FRYL: variants seen among roughly 807,000 people sequenced by gnomAD.
The protein encoded by FRYL is protein furry homolog-like.
Under a neutral mutation model 351.2 loss-of-function variants are expected in FRYL, and 150 were observed. The ratio of observed to expected loss-of-function variants is 0.43; its 90% CI spans 0.37 to 0.49. FRYL has a LOEUF of 0.49. FRYL is among the 20% of genes least tolerant of loss of function. The probability of loss-of-function intolerance (pLI) is 0.00; values close to 1 mark genes in which losing one functional copy is unlikely to be tolerated. For synonymous variants in FRYL, 1,153 were observed against 1,257.1 expected, an observed-to-expected ratio of 0.92 and a Z score of 1.75; for missense variants, 3,036 against 3,619.3, an observed-to-expected ratio of 0.84 and a Z score of 4.13.
At chr4:48,697,699 A>G (rs1456370519) in intron 2 of FRYL, among the ~76,000 whole-genome samples, 1 of 152,088 alleles carries the variant, frequency 6.6e-6, no homozygotes, top group Admixed American at 6.6e-5. Flanking sequence ...CGCTGGTCTT[A>G]AACTCCTGAC....
At chr4:48,677,045 T>C (rs956452246) in intron 3 of FRYL, among the ~76,000 whole-genome samples, 8 of 152,230 alleles carry the variant, frequency 5.3e-5, no homozygotes, top group African/African-American at 1.9e-4. Context: ...AGTAGTGTGC[T>C]CTACAGGCAT....
At chr4:48,759,413 T>C (rs568816278) in intron 1 of FRYL, among the ~76,000 whole-genome samples, 1 of 152,296 alleles carries the variant, frequency 6.6e-6, no homozygotes, top group Non-Finnish European at 1.5e-5. Context: ...ACTATACCAG[T>C]TTCCCATTGC....
At chr4:48,512,139 G>A (rs1722610619) in intron 57 of FRYL, among the ~76,000 whole-genome samples, 2 of 152,276 alleles carry the variant, frequency 1.3e-5, no homozygotes, top group Non-Finnish European at 1.5e-5. Flanking sequence ...ATTATAAGCT[G>A]ATTTATGATA....
At chr4:48,757,331 T>C (rs1176068297) in intron 1 of FRYL, among the ~76,000 whole-genome samples, 1 of 152,056 alleles carries the variant, frequency 6.6e-6, no homozygotes, top group Non-Finnish European at 1.5e-5. Flanking sequence ...GACTGTATAT[T>C]TAGAAAACCC....
intron 1 of FRYL, among the ~76,000 whole-genome samples, chr4:48,762,090 C>G (rs904308484): frequency 1.3e-5 from 2 of 152,148 alleles, no homozygotes; most frequent in African/African-American, 4.8e-5. Flanking sequence ...AGTCTGCAAC[C>G]TGGAGGAGGG....
chr4:48,689,167 T>C lies in FRYL; in HGVS notation c.-203-4372A>G, dbSNP rs145805991. ...GCAGGTGAATTTGTCAACATTTTAT[T>C]GACTTTACATTTTCAGCCAGAACAG... On this transcript the variant is annotated intron_variant, in intron 2 of 63. Coordinates refer to ENST00000358350, the MANE Select transcript of FRYL (RefSeq NM_015030.2). Among the ~76,000 whole-genome samples, 144 of 152,342 alleles carry C rather than the reference T, an allele frequency of 9.5e-4. 1 individual carries two copies. The highest frequency in any genetic ancestry group is 6.8e-3 in the Middle Eastern group (2 of 294).
intron 56 of FRYL, among the ~76,000 whole-genome samples, chr4:48,513,893 G>A (rs938514906): frequency 1.3e-5 from 2 of 152,170 alleles, no homozygotes; most frequent in Non-Finnish European, 2.9e-5. Flanking sequence ...CAGCCTTTTA[G>A]AAAGCCAAAT....
At chr4:48,617,184 A>T (rs1272604036) in intron 7 of FRYL, among the ~76,000 whole-genome samples, 1 of 152,134 alleles carries the variant, frequency 6.6e-6, no homozygotes, top group Non-Finnish European at 1.5e-5. Flanking sequence ...TAGAAAGGAT[A>T]CTATAGGTTG....
intron 1 of FRYL, among the ~76,000 whole-genome samples, chr4:48,732,269 G>A (rs971769032): frequency 9.9e-5 from 15 of 152,112 alleles, no homozygotes; most frequent in Non-Finnish European, 2.1e-4. Flanking sequence ...TAAAAAGCCA[G>A]GAAACAATAG....
Position 48,663,774 on chromosome 4 carries a change from CA to C in FRYL, c.-81+20898del, listed in dbSNP as rs71191251. On this transcript the variant is annotated intron_variant, in intron 3 of 63. Transcript: ENST00000358350. ...TGGGCGACAGAGCGAGACTCCGTCT[CA>C]AAAAAAAAAAAAAAAAAAAAAAGAG... Among the ~76,000 whole-genome samples the C allele has an allele frequency of 6.1e-4, 43 of 70,092 alleles. 1 individual carries two copies. The highest frequency in any genetic ancestry group is 1.9e-3 in the East Asian group (4 of 2,142). The allele number at this position is 70,092 out of a possible 152,430, so 46.0% of individuals were successfully genotyped here. A position where few individuals can be genotyped will look rare whatever the true frequency, so the allele number is the denominator to read the frequency against.
intron 49 of FRYL, among the ~76,000 whole-genome samples, chr4:48,534,289 T>C (rs890012721): frequency 4.6e-5 from 7 of 152,208 alleles, no homozygotes; most frequent in Non-Finnish European, 1.0e-4. Context: ...ACTGCTGCAA[T>C]GTGTATATGC....
intron 1 of FRYL, among the ~76,000 whole-genome samples, chr4:48,752,128 GTAT>G (rs1395319768): frequency 2.0e-5 from 3 of 152,204 alleles, no homozygotes; most frequent in African/African-American, 7.2e-5. Flanking sequence ...CTGGACAATA[GTAT>G]TATATCGTAG....
intron 13 of FRYL, chr4:48,598,820 A>G: frequency 1.0e-6 from 1 of 982,864 alleles, no homozygotes; most frequent in Non-Finnish European, 1.2e-6. Flanking sequence ...TAATGTCGAC[A>G]CAACTCACCT....
chr4:48,620,181 G>A (rs1419870550), intron 6 of FRYL, among the ~76,000 whole-genome samples: 1 of 152,158 alleles, frequency 6.6e-6, no homozygotes, highest in Non-Finnish European at 1.5e-5. Context: ...TGGGAAATTT[G>A]AAGGAGAAGA....
At chr4:48,629,688 T>C (rs549427286) in intron 4 of FRYL, among the ~76,000 whole-genome samples, 33 of 152,142 alleles carry the variant, frequency 2.2e-4, no homozygotes, top group African/African-American at 7.0e-4. Context: ...ATAGAGAAGA[T>C]GACACTTGAG....
At chr4:48,587,999 A>G (rs1169511499) in intron 18 of FRYL, among the ~76,000 whole-genome samples, 7 of 152,362 alleles carry the variant, frequency 4.6e-5, no homozygotes, top group Admixed American at 1.3e-4. Context: ...TTAAGCTACC[A>G]TACATTAAGT....
chr4:48,757,528 T>C (rs1773924233), intron 1 of FRYL, among the ~76,000 whole-genome samples: 2 of 152,018 alleles, frequency 1.3e-5, no homozygotes, highest in Admixed American at 1.3e-4. Context: ...GAATCCAACT[T>C]ACAAGGGATG....
In FRYL at chr4:48,586,725, C is replaced by T. The variant is rs34558821; in HGVS notation, c.1644G>A (p.Gly548=). 786,409 of 1,583,850 alleles carry T rather than the reference C, an allele frequency of 0.5. 199,288 individuals are homozygous for T. Among genetic ancestry groups the T allele is most frequent in the South Asian group, 0.61 (53,765 of 88,472 alleles). ...SNKEPEDMIT[G]ERKPKIDLFR... ...ACAAATCAATCTTGGGTTTTCTTTC[C>T]CCCCTGAAAAATACAACAGGATTTA... is the stretch of plus-strand genomic sequence containing the variant. Residue 548 remains glycine, a synonymous_variant, in exon 19 of 64, where the codon GGG becomes GGA. Transcript: ENST00000358350.
intron 2 of FRYL, among the ~76,000 whole-genome samples, chr4:48,698,263 T>G (rs552502527): frequency 1.3e-5 from 2 of 152,248 alleles, no homozygotes; most frequent in Admixed American, 1.3e-4. Context: ...AGACTTACTA[T>G]AGCCACAATC....
Sources: allele counts gnomAD v4.1 joint callset (sites outside exome capture counted in the v4.1 genomes callset), GRCh38; gene constraint gnomAD v4.1.1; transcripts MANE v1.5; gene names NCBI Gene and HGNC (gene_info 2026-07-23, HGNC 2026-07-21).